The following SYT14 variants were observed in gnomAD, a reference collection of about 807,000 sequenced individuals.
SYT14 encodes the protein synaptotagmin 14, also known as synaptotagmin-14.
Under a neutral mutation model 74.2 loss-of-function variants are expected in SYT14, and 32 were observed. The observed-to-expected ratio is 0.43, with a 90% CI of 0.33 to 0.58. The LOEUF (loss-of-function observed/expected upper bound fraction) is 0.58. SYT14 is among the 20% of genes least tolerant of loss of function. The probability of loss-of-function intolerance (pLI) is 0.05; values close to 1 mark genes in which losing one functional copy is unlikely to be tolerated. For synonymous variants in SYT14, 298 were observed against 337.7 expected (o/e 0.88, Z 1.29); for missense variants, 791 against 981.8 (o/e 0.81, Z 2.60).
At chr1:210,001,485 C>A (rs1420650778) in intron 2 of SYT14, among the ~76,000 whole-genome samples, 2 of 152,094 alleles carry the variant, frequency 1.3e-5, no homozygotes, top group African/African-American at 2.4e-5. Context: ...TTATATTCAT[C>A]ATTTTAAATT....
At chr1:210,159,182 T>G (rs978799624) in intron 8 of SYT14, among the ~76,000 whole-genome samples, 1 of 138,736 alleles carries the variant, frequency 7.2e-6, no homozygotes, top group Non-Finnish European at 1.6e-5. Flanking sequence ...GATGTCCCCC[T>G]TTAAAAAAAT....
intron 7 of SYT14, among the ~76,000 whole-genome samples, chr1:210,120,629 C>A (rs1363531571): frequency 6.6e-6 from 1 of 152,128 alleles, no homozygotes; most frequent in Non-Finnish European, 1.5e-5. Flanking sequence ...TAAGTACACT[C>A]TATGATGTTC....
chr1:209,952,983 T>G (rs2078935856), intron 2 of SYT14: 1 of 1,394,898 alleles, frequency 7.2e-7, no homozygotes. Flanking sequence ...TAAAGCCTGG[T>G]TTCTAGCATA....
chr1:209,998,062 A>C (rs914985116), intron 2 of SYT14, among the ~76,000 whole-genome samples: 4 of 152,038 alleles, frequency 2.6e-5, no homozygotes, highest in African/African-American at 9.7e-5. Context: ...GCGTGTTTTT[A>C]AGACAGAGTT....
At chr1:210,112,048 A>T (rs944248331) in intron 7 of SYT14, among the ~76,000 whole-genome samples, 3 of 151,344 alleles carry the variant, frequency 2.0e-5, no homozygotes, top group Middle Eastern at 3.2e-3. Context: ...CCGGTCCGTT[A>T]TCAGACTGTA....
At chr1:210,166,736 T>G (rs1257163429) in exon 10 of SYT14, 3 of 152,184 alleles carry the variant, frequency 2.0e-5, no homozygotes, top group African/African-American at 4.8e-5. Context: ...AGCCCAATAA[T>G]CTACATTTTA....
intron 2 of SYT14, among the ~76,000 whole-genome samples, chr1:209,956,282 C>CGAAA (rs1553257599): frequency 1.3e-5 from 2 of 151,502 alleles, no homozygotes; most frequent in African/African-American, 4.9e-5. Context: ...TGAACAAACC[C>CGAAA]CAAATAATGA....
rs1466056446 is a variant in SYT14 at position 210,059,447 on chromosome 1, T to TAG, written c.1313-34874_1313-34873insGA. On this transcript the variant is annotated intron_variant, in intron 5 of 9. Coordinates refer to ENST00000637265, the Ensembl canonical transcript of SYT14. ...GAAAGAATATATATATATATATATA[T>TAG]ATATAGAGAGAGAGAGAGAGAGAGA... Among the ~76,000 whole-genome samples the TAG allele has an allele frequency of 7.0e-3, 664 of 94,648 alleles. 3 individuals carry two copies. Among genetic ancestry groups the TAG allele is most frequent in the South Asian group, 0.021 (57 of 2,728 alleles). 62.1% of individuals were successfully genotyped at this position (94,648 alleles called of 152,430 possible). A position where few individuals can be genotyped will look rare whatever the true frequency, so the allele number is the denominator to read the frequency against.
chr1:210,040,800 A>G (rs780093752), intron 5 of SYT14, among the ~76,000 whole-genome samples: 5 of 152,200 alleles, frequency 3.3e-5, no homozygotes, highest in Non-Finnish European at 7.3e-5. Context: ...ATGTAACTGT[A>G]TAATAATTCT....
At chr1:209,992,029 A>G (rs889468515) in intron 2 of SYT14, among the ~76,000 whole-genome samples, 1 of 152,200 alleles carries the variant, frequency 6.6e-6, no homozygotes, top group South Asian at 2.1e-4. Flanking sequence ...ATAAATCATT[A>G]TATCAAAAAG....
chr1:210,031,640 G>A (rs1053147019), intron 5 of SYT14, among the ~76,000 whole-genome samples: 2 of 152,134 alleles, frequency 1.3e-5, no homozygotes, highest in African/African-American at 4.8e-5. Context: ...GGAATATTGT[G>A]TGTTTTAATG....
At chr1:209,943,508 CAAAAAAAAAAAAA>C (rs58806792) in intron 1 of SYT14, among the ~76,000 whole-genome samples, 1 of 59,308 alleles carries the variant, frequency 1.7e-5, no homozygotes, top group African/African-American at 6.7e-5. Context: ...GATTCAATCT[CAAAAAAAAAAAAA>C]AAAAAAAAAA....
In SYT14 at chr1:210,025,335, A is replaced by G. The variant is rs1047163336; in HGVS notation, c.1312+4081A>G. Among the ~76,000 whole-genome samples, 4 of 152,294 alleles carry G rather than the reference A, an allele frequency of 2.6e-5. No homozygotes were observed. The South Asian group carries it at 6.2e-4, about 24-fold the overall frequency. ...GTGAATAGAAAATAAATGACACACA[A>G]GGAAAGAGATGAATAGAGTAAGTTA... is the stretch of plus-strand genomic sequence containing the variant. On this transcript the variant is annotated intron_variant, in intron 5 of 9. Transcript: ENST00000637265.
At chr1:210,007,196 C>G (rs1345712264) in intron 2 of SYT14, among the ~76,000 whole-genome samples, 3 of 151,432 alleles carry the variant, frequency 2.0e-5, no homozygotes, top group Non-Finnish European at 4.4e-5. Flanking sequence ...ATATAACTGC[C>G]AAAGCCAGTT....
intron 2 of SYT14, among the ~76,000 whole-genome samples, chr1:209,994,820 A>G (rs1208713801): frequency 6.6e-6 from 1 of 152,226 alleles, no homozygotes; most frequent in African/African-American, 2.4e-5. Flanking sequence ...GCCAGAAGAA[A>G]TTGGGGGCCT....
chr1:210,111,015 ATT>A, intron 7 of SYT14, among the ~76,000 whole-genome samples: 1 of 152,326 alleles, frequency 6.6e-6, no homozygotes, highest in East Asian at 1.9e-4. Context: ...GAGTGCTGGG[ATT>A]ACAGGTGTGA....
At chr1:210,143,186 T>G (rs754395546) in intron 7 of SYT14, among the ~76,000 whole-genome samples, 1 of 152,074 alleles carries the variant, frequency 6.6e-6, no homozygotes. Context: ...AAAGAGAAGA[T>G]GCCCAAAAGT....
intron 2 of SYT14, among the ~76,000 whole-genome samples, chr1:209,970,556 G>A (rs2079233252): frequency 6.7e-6 from 1 of 149,272 alleles, no homozygotes; most frequent in African/African-American, 2.5e-5. Flanking sequence ...GCTCTTTTTT[G>A]GTTCCATATG....
intron 5 of SYT14, among the ~76,000 whole-genome samples, chr1:210,079,805 GA>G (rs957342378): frequency 6.6e-6 from 1 of 152,200 alleles, no homozygotes; most frequent in African/African-American, 2.4e-5. Context: ...AGACAATTTT[GA>G]GGCTGCAATG....
Sources: gnomAD v4.1 joint callset for allele counts (sites outside exome capture counted in the v4.1 genomes callset) on GRCh38, gnomAD v4.1.1 for gene constraint, MANE v1.5 for transcripts, NCBI Gene and HGNC (gene_info 2026-07-23, HGNC 2026-07-21) for gene names.